LRRC18: variants seen among roughly 807,000 people sequenced by gnomAD.
The protein encoded by LRRC18 is leucine rich repeat containing 18.
In LRRC18, 12 loss-of-function variants were observed where a neutral mutation model predicts 11.2. The observed-to-expected ratio is 1.07, with a 90% CI of 0.69 to 1.74. The LOEUF (loss-of-function observed/expected upper bound fraction) is 1.74, where lower values mean the gene tolerates loss of function less well. LRRC18 is among the 40% of genes most tolerant of loss of function. The probability of loss-of-function intolerance (pLI) is 0.00; values close to 1 mark genes in which losing one functional copy is unlikely to be tolerated. For missense variants in LRRC18, 374 were observed against 330.5 expected (o/e 1.13, Z -1.02); for synonymous variants, 155 against 130.6 (o/e 1.19, Z -1.27).
intron 1 of LRRC18, among the ~76,000 whole-genome samples, chr10:48,910,679 C>A (rs1431886243): frequency 6.6e-6 from 1 of 152,104 alleles, no homozygotes; most frequent in Admixed American, 6.5e-5. Context: ...ATGTCTCAAT[C>A]CTGGTAAAGT....
exon 1 of LRRC18, chr10:48,914,120 C>A: frequency 6.2e-7 from 1 of 1,614,124 alleles, no homozygotes; most frequent in South Asian, 1.1e-5. Context: ...TGAGGGTGAT[C>A]TTCTTGCCCT....
the LRRC18 span, among the ~76,000 whole-genome samples, chr10:48,930,845 T>A: frequency 3.9e-5 from 6 of 152,158 alleles, no homozygotes; most frequent in East Asian, 1.2e-3. Flanking sequence ...AGATGTCATG[T>A]TAGTGAAAGA....
intron 1 of LRRC18, 33 bp from the exon 4 acceptor site, chr10:48,910,291 T>TGCTCCAGGCCACAGAGGCAAAC: frequency 6.2e-7 from 1 of 1,609,300 alleles, no homozygotes; most frequent in Non-Finnish European, 8.5e-7. Flanking sequence ...GTGAGGCAAT[T>TGCTCCAGGCCACAGAGGCAAAC]GCTCCAGGCC....
the LRRC18 span, among the ~76,000 whole-genome samples, chr10:48,920,260 G>C: frequency 6.6e-6 from 1 of 151,580 alleles, no homozygotes; most frequent in East Asian, 1.9e-4. Context: ...AAAAAAGCTA[G>C]AGCGGACAAA....
At chr10:48,939,372 G>T in the LRRC18 span, among the ~76,000 whole-genome samples, 3 of 152,314 alleles carry the variant, frequency 2.0e-5, no homozygotes, top group South Asian at 6.2e-4. Flanking sequence ...TGACAGGTGT[G>T]GCCAGTGTGT....
intron 1 of LRRC18, among the ~76,000 whole-genome samples, chr10:48,910,470 T>C (rs956838517): frequency 6.6e-6 from 1 of 151,920 alleles, no homozygotes; most frequent in Non-Finnish European, 1.5e-5. Context: ...TTCCAAGGAG[T>C]AAAGGTGACT....
At chr10:48,921,434 G>A in the LRRC18 span, among the ~76,000 whole-genome samples, 4 of 152,248 alleles carry the variant, frequency 2.6e-5, no homozygotes, top group Admixed American at 2.6e-4. Flanking sequence ...TTAAACCTTG[G>A]CCTAATTAAC....
At chr10:48,928,353 C>CGTGTGTGTGTGT in the LRRC18 span, among the ~76,000 whole-genome samples, 1,848 of 124,998 alleles carry the variant, frequency 0.015, 47 homozygotes, top group Admixed American at 0.024. Context: ...TTGGTTTTGA[C>CGTGTGTGTGTGT]GTGTGTGTGT....
At chr10:48,917,356 C>T (rs185645345), upstream of LRRC18, among the ~76,000 whole-genome samples, 22 of 152,282 alleles carry the variant, frequency 1.4e-4, no homozygotes, top group East Asian at 4.2e-3. Flanking sequence ...TGGCTGAAAA[C>T]TTCCAACAGT....
exon 2 of LRRC18, chr10:48,910,105 G>A: frequency 1.2e-6 from 1 of 810,572 alleles, no homozygotes; most frequent in South Asian, 1.5e-5. Context: ...TCGGTGGCTT[G>A]GCCAGCTCCG....
chr10:48,918,819 G>A (rs896649747), upstream of LRRC18, among the ~76,000 whole-genome samples: 4 of 152,188 alleles, frequency 2.6e-5, no homozygotes, highest in Non-Finnish European at 5.9e-5. Context: ...GCAGAGTAAG[G>A]CCAGAAGATT....
chr10:48,926,272 G>A, the LRRC18 span, among the ~76,000 whole-genome samples: 8 of 152,216 alleles, frequency 5.3e-5, no homozygotes, highest in African/African-American at 1.9e-4. Context: ...GCCCCAGGAA[G>A]GGTGTTCCTG....
exon 1 of LRRC18, chr10:48,914,064 C>T (rs17772611): frequency 0.13 from 203,713 of 1,613,998 alleles, 13,870 homozygotes; most frequent in Middle Eastern, 0.2. Flanking sequence ...CAAGTCAAGG[C>T]GCTTTTTCCC....
At chr10:48,921,502 T>C in the LRRC18 span, among the ~76,000 whole-genome samples, 1 of 152,070 alleles carries the variant, frequency 6.6e-6, no homozygotes, top group Admixed American at 6.5e-5. Context: ...CTATAAAACT[T>C]TGAAAAGAAA....
chr10:48,913,982 G>A (rs1314003171), exon 1 of LRRC18: 1 of 1,614,176 alleles, frequency 6.2e-7, no homozygotes, highest in Admixed American at 1.7e-5. Flanking sequence ...TAAGATTCCG[G>A]CTAAGGTCCA....
exon 1 of LRRC18, chr10:48,913,908 T>C: frequency 6.2e-7 from 1 of 1,614,178 alleles, no homozygotes; most frequent in Non-Finnish European, 8.5e-7. Flanking sequence ...GTCTATGTAG[T>C]TGCTGTGCAG....
upstream of LRRC18, chr10:48,914,321 A>C: frequency 1.4e-6 from 1 of 728,260 alleles, no homozygotes; most frequent in Non-Finnish European, 2.2e-6. Flanking sequence ...TCAGTGGTTT[A>C]AAAAGCAAGA....
chr10:48,917,961 G>T (rs2671697), upstream of LRRC18, among the ~76,000 whole-genome samples: 103,343 of 152,116 alleles, frequency 0.68, 35,428 homozygotes, highest in African/African-American at 0.76. Context: ...ACGGGGAAGT[G>T]AGCAAGACCT....
upstream of LRRC18, chr10:48,914,314 G>T: frequency 1.3e-6 from 1 of 785,008 alleles, no homozygotes; most frequent in Non-Finnish European, 2.0e-6. Flanking sequence ...TTGCTCTTCA[G>T]TGGTTTAAAA....
Sources: allele counts gnomAD v4.1 joint callset (sites outside exome capture counted in the v4.1 genomes callset), GRCh38; gene constraint gnomAD v4.1.1; transcripts MANE v1.5; gene names NCBI Gene and HGNC (gene_info 2026-07-23, HGNC 2026-07-21).